The following FUT8 variants were observed in gnomAD, a reference collection of about 807,000 sequenced individuals.
FUT8 encodes the protein alpha-(1,6)-fucosyltransferase.
In FUT8, 29 loss-of-function variants were observed where a neutral mutation model predicts 71.3. The ratio of observed to expected loss-of-function variants is 0.41; its 90% CI spans 0.30 to 0.55. The LOEUF (loss-of-function observed/expected upper bound fraction) is 0.55. Ranked by LOEUF, FUT8 falls within the 20% of genes least tolerant of loss-of-function variation. FUT8 has a pLI of 0.34. For synonymous variants in FUT8, 254 were observed against 239.3 expected (o/e 1.06, Z -0.57); for missense variants, 544 against 702.1 (o/e 0.77, Z 2.55).
intron 7 of FUT8, among the ~76,000 whole-genome samples, chr14:65,672,323 A>G (rs1892513065): frequency 6.6e-6 from 1 of 152,214 alleles, no homozygotes; most frequent in African/African-American, 2.4e-5. Flanking sequence ...TTACACCACA[A>G]GATGTTTCCT....
intron 2 of FUT8, chr14:65,516,142 G>A (rs1356010150): frequency 6.6e-6 from 1 of 151,506 alleles, no homozygotes; most frequent in Non-Finnish European, 1.5e-5. Context: ...ACCACAGCAT[G>A]GTACTCTAGC....
chr14:65,421,610 T>C (rs1487347730), intron 1 of FUT8, among the ~76,000 whole-genome samples: 1 of 152,212 alleles, frequency 6.6e-6, no homozygotes, highest in Non-Finnish European at 1.5e-5. Context: ...CATTTTGTTT[T>C]CTTGCATTCC....
intron 3 of FUT8, among the ~76,000 whole-genome samples, chr14:65,569,358 C>T (rs1194120907): frequency 6.6e-6 from 1 of 151,534 alleles, no homozygotes; most frequent in Non-Finnish European, 1.5e-5. Context: ...TATTATTAAA[C>T]TTATTTTTAT....
upstream of FUT8, among the ~76,000 whole-genome samples, chr14:65,408,950 C>G (rs1056790834): frequency 2.2e-4 from 34 of 152,112 alleles, no homozygotes; most frequent in Non-Finnish European, 4.4e-4. Context: ...GACCTTGTCT[C>G]TAAAAAATAA....
At chr14:65,713,254 T>G (rs1245207266) in intron 7 of FUT8, among the ~76,000 whole-genome samples, 1 of 152,258 alleles carries the variant, frequency 6.6e-6, no homozygotes, top group Non-Finnish European at 1.5e-5. Context: ...TTTTTATGGC[T>G]GAATAGTACT....
chr14:65,728,155 T>G (rs1157118999), intron 9 of FUT8, among the ~76,000 whole-genome samples: 1 of 152,210 alleles, frequency 6.6e-6, no homozygotes, highest in Non-Finnish European at 1.5e-5. Flanking sequence ...CCCTCCAAAC[T>G]GTTCCACCCT....
rs35942953 is a variant in FUT8, at chr14:65,608,063, CA to C, written c.204-7896del. ...CTGGCAACAAAGCTAGACTCCGTCT[CA>C]AAAAAAAAAAAAAAAAAATGCTTGA... On this transcript the variant is annotated intron_variant, in intron 3 of 10. Transcript: ENST00000673929. Among the ~76,000 whole-genome samples the C allele has an allele frequency of 4.9e-3, 530 of 108,606 alleles. 9 individuals are homozygous for C. The highest frequency in any genetic ancestry group is 0.01 in the Admixed American group (104 of 9,984). The allele number at this position is 108,606 out of a possible 152,430, so 71.2% of individuals were successfully genotyped here.
At chr14:65,629,429 C>A in intron 5 of FUT8, 63 bp from the exon 6 acceptor site, 1 of 998,416 alleles carries the variant, frequency 1.0e-6, no homozygotes, top group South Asian at 1.4e-5. Context: ...CTTCTTAAGA[C>A]TTTGTGTAAT....
chr14:65,582,058 T>C (rs1190499115), intron 3 of FUT8, among the ~76,000 whole-genome samples: 1 of 152,154 alleles, frequency 6.6e-6, no homozygotes, highest in Non-Finnish European at 1.5e-5. Flanking sequence ...CTTTGCGGTA[T>C]AGAAAATAGA....
intron 2 of FUT8, among the ~76,000 whole-genome samples, chr14:65,514,417 G>A (rs368180694): frequency 1.3e-5 from 2 of 152,228 alleles, no homozygotes; most frequent in African/African-American, 4.8e-5. Flanking sequence ...GATTTCTGCC[G>A]AATACAAGAG....
At chr14:65,480,457 A>G (rs1020226546) in intron 2 of FUT8, among the ~76,000 whole-genome samples, 10 of 151,880 alleles carry the variant, frequency 6.6e-5, no homozygotes, top group Admixed American at 2.6e-4. Context: ...CTGGAACTAC[A>G]GGTACACTCC....
At chr14:65,428,575 A>G (rs2065422942) in intron 1 of FUT8, among the ~76,000 whole-genome samples, 1 of 152,214 alleles carries the variant, frequency 6.6e-6, no homozygotes, top group South Asian at 2.1e-4. Flanking sequence ...GGACTAAGAC[A>G]TGGTCTAATG....
At chr14:65,714,464 G>A (rs893148931) in intron 7 of FUT8, among the ~76,000 whole-genome samples, 1 of 141,856 alleles carries the variant, frequency 7.0e-6, no homozygotes, top group Non-Finnish European at 1.5e-5. Flanking sequence ...TATTTATTTA[G>A]TAGCCACAGA....
At chr14:65,375,023 A>C in the FUT8 span, among the ~76,000 whole-genome samples, 2 of 152,138 alleles carry the variant, frequency 1.3e-5, no homozygotes, top group Non-Finnish European at 2.9e-5. Context: ...GTTCATTGTA[A>C]TTGGCTTATA....
intron 6 of FUT8, among the ~76,000 whole-genome samples, chr14:65,634,001 C>T (rs574706994): frequency 2.6e-5 from 4 of 152,100 alleles, no homozygotes; most frequent in African/African-American, 4.8e-5. Context: ...CGCCTCTGCC[C>T]GGCCACCGCT....
In FUT8 at chr14:65,580,070, T is replaced by TTATATATATATATATATATATA. The variant is rs59069113; in HGVS notation, c.203+18324_203+18325insTATATATATATATATATATATA. Among the ~76,000 whole-genome samples, 46 of 142,818 alleles carry TTATATATATATATATATATATA rather than the reference T, an allele frequency of 3.2e-4. 1 individual carries two copies. The highest frequency in any genetic ancestry group is 1.1e-3 in the African/African-American group (43 of 38,044). 93.7% of individuals were successfully genotyped at this position (142,818 alleles called of 152,430 possible). A position where few individuals can be genotyped will look rare whatever the true frequency, so the allele number is the denominator to read the frequency against. On this transcript the variant is annotated intron_variant, in intron 3 of 10. Coordinates refer to ENST00000673929, the MANE Select transcript of FUT8 (RefSeq NM_001371533.1). ...TTCAAAATACTGATAGTGCTATATT[T>TTATATATATATATATATATATA]TATATATATATATATATATAGTCAT...
At chr14:65,464,691 A>G (rs1341703099) in intron 2 of FUT8, among the ~76,000 whole-genome samples, 1 of 151,870 alleles carries the variant, frequency 6.6e-6, no homozygotes, top group African/African-American at 2.4e-5. Context: ...TACCTTGCAT[A>G]CTTGGAATAT....
At chr14:65,650,713 A>C (rs991989951) in intron 6 of FUT8, among the ~76,000 whole-genome samples, 4 of 148,750 alleles carry the variant, frequency 2.7e-5, no homozygotes, top group African/African-American at 9.8e-5. Flanking sequence ...ATTACAAAAA[A>C]AAAAAAAAAA....
rs537325115 is a variant in FUT8 at position 65,475,906 on chromosome 14, G to C, written c.-228+20188G>C. On this transcript the variant is annotated intron_variant, in intron 2 of 10. Coordinates refer to ENST00000673929, the MANE Select transcript of FUT8 (RefSeq NM_001371533.1). ...TCTGGAATTTGAGGCCTGCTACTGG[G>C]ATTGTAGGTATAGGAAGTTGAGAGG... is the stretch of plus-strand genomic sequence containing the variant. Among the ~76,000 whole-genome samples the C allele has an allele frequency of 2.0e-4, 30 of 152,260 alleles. No individual in the cohort carries two copies. The South Asian group carries it at 6.2e-3, about 32-fold the overall frequency.
Sources: allele counts gnomAD v4.1 joint callset (sites outside exome capture counted in the v4.1 genomes callset), GRCh38; gene constraint gnomAD v4.1.1; transcripts MANE v1.5; gene names NCBI Gene and HGNC (gene_info 2026-07-23, HGNC 2026-07-21).